Variants in SPTA1 observed in about 807,000 individuals in gnomAD.
The protein encoded by SPTA1 is spectrin alpha chain, erythrocytic 1.
Under a neutral mutation model 324.7 loss-of-function variants are expected in SPTA1, and 177 were observed. The observed-to-expected ratio is 0.55, with a 90% CI of 0.48 to 0.62. The LOEUF is 0.62. Among genes scored for constraint, SPTA1 ranks in the 20% least tolerant of loss-of-function variants. The pLI is 0.00. For missense variants in SPTA1, 3,162 were observed against 2,883.6 expected, an observed-to-expected ratio of 1.10 and a Z score of -2.21; for synonymous variants, 1,195 against 1,041.3, an observed-to-expected ratio of 1.15 and a Z score of -2.84.
intron 27 of SPTA1, among the ~76,000 whole-genome samples, chr1:158,647,284 A>C (rs137963988): frequency 7.2e-4 from 109 of 152,332 alleles, no homozygotes; most frequent in Admixed American, 5.4e-3. Context: ...ACTGAATACT[A>C]CTGTCTCTTC....
chr1:158,616,678 T>A (rs1649574110), intron 47 of SPTA1, among the ~76,000 whole-genome samples: 1 of 152,242 alleles, frequency 6.6e-6, no homozygotes, highest in African/African-American at 2.4e-5. Context: ...TTCCATATTT[T>A]GGCTATTGTG....
At chr1:158,615,714 T>C (rs1649517392) in intron 47 of SPTA1, among the ~76,000 whole-genome samples, 1 of 151,728 alleles carries the variant, frequency 6.6e-6, no homozygotes, top group South Asian at 2.1e-4. Flanking sequence ...CTATCATCTA[T>C]CTATCTGTCT....
chr1:158,686,675 C>T lies in SPTA1; in HGVS notation c.-158G>A. 1.6e-6 allele frequency: 1 copy of T among 634,916 alleles called. No homozygotes were observed. The highest frequency in any genetic ancestry group is 2.8e-6 in the Non-Finnish European group (1 of 358,102). The allele number at this position is 634,916 out of a possible 1,614,324, so 39.3% of individuals were successfully genotyped here. A position where few individuals can be genotyped will look rare whatever the true frequency, so the allele number is the denominator to read the frequency against. ...AAAACCTCTTGCTTGGTCCTAGAAT[C>T]CCATCAGCCATACACAATCGACATT... On this transcript the variant is annotated 5_prime_UTR_variant, in exon 1 of 52. Coordinates refer to ENST00000643759, the MANE Select transcript of SPTA1 (RefSeq NM_003126.4).
intron 10 of SPTA1, among the ~76,000 whole-genome samples, chr1:158,672,913 A>G (rs1269065418): frequency 1.3e-5 from 2 of 151,548 alleles, no homozygotes; most frequent in African/African-American, 2.4e-5. Flanking sequence ...CCTGGCCAAC[A>G]CGGTGAAACC....
intron 4 of SPTA1, 51 bp downstream of exon 4, chr1:158,681,476 T>C (rs756855886): frequency 3.1e-6 from 5 of 1,612,764 alleles, no homozygotes; most frequent in Non-Finnish European, 1.7e-6. Flanking sequence ...ATGGGGTACC[T>C]GGGACAGAGG....
intron 8 of SPTA1, 148 bp from the exon 9 acceptor site, chr1:158,674,823 T>C (rs914637420): frequency 8.7e-7 from 1 of 1,143,206 alleles, no homozygotes; most frequent in Non-Finnish European, 1.3e-6. Context: ...TTTCCTGTTA[T>C]TTACAGTCAG....
At chr1:158,631,494 T>C (rs764191136) in intron 39 of SPTA1, among the ~76,000 whole-genome samples, 32 of 152,094 alleles carry the variant, frequency 2.1e-4, no homozygotes, top group Non-Finnish European at 3.1e-4. Context: ...AGACTACATA[T>C]TGGATATAGT....
rs116107257 is a variant in SPTA1, at chr1:158,683,354, A to G, written c.390+17T>C. The G allele has an allele frequency of 6.0e-3, 9,696 of 1,612,920 alleles. 485 individuals are homozygous for G. In the African/African-American group the frequency reaches 0.11, roughly 19 times the overall value. On this transcript the variant is annotated intron_variant, in intron 3 of 51. Coordinates refer to ENST00000643759, the MANE Select transcript of SPTA1 (RefSeq NM_003126.4). ...TAATCAATAATTGGAAACTTCTTCA[A>G]GGGCCCATACATATACCTTCGTTTC...
chr1:158,650,688 T>C (rs1231461722), intron 24 of SPTA1, among the ~76,000 whole-genome samples: 1 of 152,262 alleles, frequency 6.6e-6, no homozygotes, highest in African/African-American at 2.4e-5. Flanking sequence ...GAATTTCTTC[T>C]GTGTGTGACA....
chr1:158,643,238 G>T, intron 31 of SPTA1, 84 bp downstream of exon 31: 1 of 1,478,860 alleles, frequency 6.8e-7, no homozygotes. Context: ...CAGGAAGCCA[G>T]AGTATTCCCC....
chr1:158,624,350 T>TA (rs1249837598), intron 42 of SPTA1, among the ~76,000 whole-genome samples: 50 of 152,156 alleles, frequency 3.3e-4, no homozygotes, highest in Non-Finnish European at 6.5e-4. Flanking sequence ...GGAGGGAGGC[T>TA]GTACCCTGCA....
rs780729873 is a variant in SPTA1, at chr1:158,611,254, G to A, written c.*10C>T. The A allele has an allele frequency of 6.2e-7, 1 of 1,613,334 alleles. No homozygotes were observed. Among genetic ancestry groups the A allele is most frequent in the Non-Finnish European group, 8.5e-7 (1 of 1,179,590 alleles). The stretch of plus-strand genomic sequence containing the variant: ...ACTAAGATTTTCTACGATCCACGAG[G>A]AGCTGCTTATTAGTTGCCAAAGTAG... On this transcript the variant is annotated 3_prime_UTR_variant, in exon 52 of 52. Coordinates refer to ENST00000643759, the MANE Select transcript of SPTA1 (RefSeq NM_003126.4).
At chr1:158,638,518 C>T (rs1292588938) in intron 35 of SPTA1, among the ~76,000 whole-genome samples, 1 of 151,888 alleles carries the variant, frequency 6.6e-6, no homozygotes, top group Non-Finnish European at 1.5e-5. Context: ...CTTCTCTCCC[C>T]AACTAAAAAA....
chr1:158,656,466 T>C (rs932113340), intron 20 of SPTA1, 98 bp downstream of exon 20: 1 of 1,091,942 alleles, frequency 9.2e-7, no homozygotes, highest in Non-Finnish European at 1.4e-6. Flanking sequence ...TTTGCCATTG[T>C]TTTTGGGGTT....
chr1:158,651,392 G>A lies in SPTA1; in HGVS notation c.3452C>T (p.Thr1151Ile). The part of the protein sequence containing the change: ...ADDLLFEGLL[T>I]PEGAQIRQEL... ...CTGCCGGATTTGAGCTCCTTCTGGT[G>A]TTAGAAGTCCTTCAAATAGTAGATC... is the stretch of plus-strand genomic sequence containing the variant. Residue 1151 changes from threonine to isoleucine, a missense_variant, in exon 24 of 52, where the codon ACA (threonine) becomes ATA (isoleucine). By Grantham distance (89) the Thr-to-Ile change is moderately conservative. Transcript: ENST00000643759. 6 of 1,613,762 alleles carry A rather than the reference G, an allele frequency of 3.7e-6. No individual in the cohort carries two copies. Among genetic ancestry groups the A allele is most frequent in the Non-Finnish European group, 5.1e-6 (6 of 1,179,692 alleles).
chr1:158,622,653 G>T, intron 43 of SPTA1: 1 of 304,522 alleles, frequency 3.3e-6, no homozygotes, highest in Non-Finnish European at 6.3e-6. Flanking sequence ...TTTGGGTTAG[G>T]AAAAGTACAG....
At chr1:158,613,945 A>C in intron 49 of SPTA1, 78 bp from the exon 50 acceptor site, 2 of 1,489,102 alleles carry the variant, frequency 1.3e-6, no homozygotes, top group Non-Finnish European at 1.8e-6. Context: ...AATATGTCTT[A>C]TTGCGTCAGC....
At chr1:158,676,382 T>C in intron 7 of SPTA1, 87 bp from the exon 8 acceptor site, 1 of 1,371,654 alleles carries the variant, frequency 7.3e-7, no homozygotes, top group Non-Finnish European at 1.0e-6. Context: ...TAAAAAATCA[T>C]ATGAATAATA....
At chr1:158,614,424 G>T in intron 48 of SPTA1, 118 bp from the exon 49 acceptor site, 1 of 758,642 alleles carries the variant, frequency 1.3e-6, no homozygotes, top group Non-Finnish European at 2.2e-6. Flanking sequence ...GAGTCATCTA[G>T]TTCAAGAGTT....
Sources: gnomAD v4.1 joint callset for allele counts (sites outside exome capture counted in the v4.1 genomes callset) on GRCh38, gnomAD v4.1.1 for gene constraint, MANE v1.5 for transcripts, NCBI Gene and HGNC (gene_info 2026-07-23, HGNC 2026-07-21) for gene names.